The following PKD2L1 variants were observed in gnomAD, a reference collection of about 807,000 sequenced individuals.
PKD2L1 encodes the protein polycystin 2 like 1, transient receptor potential cation channel, also known as polycystin-2-like protein 1.
Under a neutral mutation model 93.0 loss-of-function variants are expected in PKD2L1, and 77 were observed. The observed-to-expected ratio is 0.83, with a 90% CI of 0.69 to 1.00. The LOEUF (loss-of-function observed/expected upper bound fraction) is 1.00, where lower values mean the gene tolerates loss of function less well. Among genes scored for constraint, PKD2L1 ranks in the 50% least tolerant of loss-of-function variants. PKD2L1 has a pLI of 0.00. For synonymous variants in PKD2L1, 390 were observed against 388.0 expected (o/e 1.01, Z -0.06); for missense variants, 977 against 990.9 (o/e 0.99, Z 0.19).
intron 2 of PKD2L1, among the ~76,000 whole-genome samples, chr10:100,323,099 T>A (rs2133572366): frequency 6.6e-6 from 1 of 152,310 alleles, no homozygotes; most frequent in East Asian, 1.9e-4. Flanking sequence ...TGGTGGCGGT[T>A]GTGATAAACT....
intron 2 of PKD2L1, among the ~76,000 whole-genome samples, chr10:100,311,496 C>T (rs1848931984): frequency 6.6e-6 from 1 of 152,124 alleles, no homozygotes; most frequent in Admixed American, 6.6e-5. Context: ...TTTATCCACT[C>T]CTATGTTTAC....
intron 4 of PKD2L1, 101 bp from the exon 5 acceptor site, chr10:100,297,707 TG>T (rs1848582789): frequency 1.6e-4 from 12 of 75,124 alleles, no homozygotes; most frequent in Non-Finnish European, 2.3e-4. Flanking sequence ...ACATATTGTG[TG>T]TGTGTGTGTG....
At chr10:100,328,734 C>G (rs1849434132) in intron 2 of PKD2L1, among the ~76,000 whole-genome samples, 1 of 152,136 alleles carries the variant, frequency 6.6e-6, no homozygotes, top group South Asian at 2.1e-4. Flanking sequence ...GCTGGGATTA[C>G]AGGCACCTGC....
At chr10:100,298,839 C>G (rs1467980934) in intron 3 of PKD2L1, 24 bp from the exon 4 acceptor site, 1 of 1,595,470 alleles carries the variant, frequency 6.3e-7, no homozygotes, top group Admixed American at 1.7e-5. Flanking sequence ...TGGCTTGAAC[C>G]TTACCCAGCC....
chr10:100,304,025 A>G (rs755019966), intron 2 of PKD2L1, among the ~76,000 whole-genome samples: 2 of 152,250 alleles, frequency 1.3e-5, no homozygotes, highest in Non-Finnish European at 2.9e-5. Flanking sequence ...ATTATTATAC[A>G]AGGCAGTAAA....
chr10:100,289,956 G>A, intron 14 of PKD2L1, 59 bp downstream of exon 14: 1 of 1,605,360 alleles, frequency 6.2e-7, no homozygotes, highest in Non-Finnish European at 8.5e-7. Flanking sequence ...CCACTGAGTG[G>A]AAAAGATGGC....
chr10:100,312,442 A>G lies in PKD2L1; in HGVS notation c.350-12724T>C, dbSNP rs550886993. On this transcript the variant is annotated intron_variant, in intron 2 of 15. Transcript: ENST00000318222. ...TGATGATTATTCTGGAAAAATGGAAATGAATCCAAGATCCTGTTAGTGATC... is the reference window on the plus strand; with the variant it reads ...TGATGATTATTCTGGAAAAATGGAAGTGAATCCAAGATCCTGTTAGTGATC... 7.9e-5 allele frequency among the ~76,000 whole-genome samples: 12 copies of G among 152,314 alleles called. No homozygotes were observed. In the South Asian group the frequency reaches 2.5e-3, roughly 32 times the overall value.
chr10:100,305,449 AAT>A (rs1226033409), intron 2 of PKD2L1, among the ~76,000 whole-genome samples: 1 of 152,182 alleles, frequency 6.6e-6, no homozygotes, highest in Admixed American at 6.5e-5. Context: ...AAGCATCATT[AAT>A]CCATGTTTGA....
chr10:100,307,850 C>T (rs1848840784), intron 2 of PKD2L1, among the ~76,000 whole-genome samples: 1 of 152,158 alleles, frequency 6.6e-6, no homozygotes, highest in Non-Finnish European at 1.5e-5. Context: ...TAGGGCTGGC[C>T]TTCCCAGCTC....
intron 2 of PKD2L1, among the ~76,000 whole-genome samples, chr10:100,308,289 G>T (rs917619610): frequency 9.3e-5 from 14 of 151,310 alleles, no homozygotes; most frequent in African/African-American, 3.4e-4. Flanking sequence ...AATAAAATAG[G>T]AATTACCATC....
In PKD2L1 at chr10:100,306,855, CA is replaced by C. The variant is rs61413476; in HGVS notation, c.350-7138del. 1.5e-3 allele frequency among the ~76,000 whole-genome samples: 73 copies of C among 49,866 alleles called. 1 individual carries two copies. The highest frequency in any genetic ancestry group is 0.012 in the Middle Eastern group (1 of 84). 32.7% of individuals were successfully genotyped at this position (49,866 alleles called of 152,430 possible). On this transcript the variant is annotated intron_variant, in intron 2 of 15. Coordinates refer to ENST00000318222, the MANE Select transcript of PKD2L1 (RefSeq NM_016112.3). The stretch of plus-strand genomic sequence containing the variant: ...CCTGGGCGAGAGAGTGAGACCCTGT[CA>C]AAAAAAAAAAAAAAAAAGAAAGAGA...
chr10:100,317,444 T>C (rs1210669465), intron 2 of PKD2L1, among the ~76,000 whole-genome samples: 2 of 151,982 alleles, frequency 1.3e-5, no homozygotes, highest in South Asian at 2.1e-4. Flanking sequence ...GAGGCTGAGG[T>C]GGGAGGATTG....
At chr10:100,289,163 C>T (rs1372525772) in intron 14 of PKD2L1, 107 bp from the exon 15 acceptor site, 20 of 703,352 alleles carry the variant, frequency 2.8e-5, no homozygotes, top group African/African-American at 3.6e-5. Context: ...AGACTGTTTG[C>T]GTCCCTCCCA....
intron 2 of PKD2L1, among the ~76,000 whole-genome samples, chr10:100,310,715 T>C (rs902904019): frequency 2.6e-5 from 4 of 152,184 alleles, no homozygotes; most frequent in Non-Finnish European, 4.4e-5. Flanking sequence ...CCAATTTTTA[T>C]TTTTTATTTT....
intron 2 of PKD2L1, among the ~76,000 whole-genome samples, chr10:100,306,782 T>C (rs1386868482): frequency 7.4e-6 from 1 of 135,198 alleles, no homozygotes; most frequent in Non-Finnish European, 1.5e-5. Flanking sequence ...ACCCGAGCCT[T>C]AGGAGATCAA....
At chr10:100,317,017 G>C (rs1416762876) in intron 2 of PKD2L1, among the ~76,000 whole-genome samples, 1 of 151,642 alleles carries the variant, frequency 6.6e-6, no homozygotes, top group Non-Finnish European at 1.5e-5. Context: ...GAGCCTGGGA[G>C]GCAGTGGCTG....
intron 2 of PKD2L1, among the ~76,000 whole-genome samples, chr10:100,303,205 T>TTTTC (rs1848724692): frequency 6.6e-6 from 1 of 150,390 alleles, no homozygotes; most frequent in Non-Finnish European, 1.5e-5. Flanking sequence ...TTTTGTTTTT[T>TTTTC]TTTTTGAGAC....
At chr10:100,304,695 G>C (rs965320508) in intron 2 of PKD2L1, among the ~76,000 whole-genome samples, 5 of 152,074 alleles carry the variant, frequency 3.3e-5, no homozygotes, top group African/African-American at 1.2e-4. Context: ...ATGTTGCCCA[G>C]GCTGGTCCTG....
intron 2 of PKD2L1, among the ~76,000 whole-genome samples, chr10:100,325,622 T>C (rs952688756): frequency 6.6e-6 from 1 of 152,186 alleles, no homozygotes; most frequent in Non-Finnish European, 1.5e-5. Flanking sequence ...TTTCAGGTAG[T>C]CTAAGGATTT....
Sources: gnomAD v4.1 joint callset for allele counts (sites outside exome capture counted in the v4.1 genomes callset) on GRCh38, gnomAD v4.1.1 for gene constraint, MANE v1.5 for transcripts, NCBI Gene and HGNC (gene_info 2026-07-23, HGNC 2026-07-21) for gene names.